CSMD1: variants seen among roughly 807,000 people sequenced by gnomAD.
The protein encoded by CSMD1 is CUB and Sushi multiple domains 1.
In CSMD1, 213 loss-of-function variants were observed where a neutral mutation model predicts 417.5. The observed-to-expected ratio is 0.51, with a 90% confidence interval of 0.46 to 0.57. The LOEUF (loss-of-function observed/expected upper bound fraction) is 0.57, where lower values mean the gene tolerates loss of function less well. CSMD1 is among the 20% of genes least tolerant of loss of function. CSMD1 has a pLI of 0.00. For missense variants in CSMD1, 6,923 were observed against 4,529.7 expected (o/e 1.53, Z -15.17); for synonymous variants, 2,862 against 1,736.8 (o/e 1.65, Z -16.11).
At chr8:3,092,902 CATTGTT>C (rs1289531375) in intron 47 of CSMD1, among the ~76,000 whole-genome samples, 1 of 151,900 alleles carries the variant, frequency 6.6e-6, no homozygotes, top group Non-Finnish European at 1.5e-5. Context: ...ATGCAGCTCT[CATTGTT>C]GTTCATAATA....
At position 4,135,285 on chromosome 8, in the gene CSMD1, G is replaced by A. The variant is rs191184922; in HGVS notation, c.416-103186C>T. 1.1e-4 allele frequency among the ~76,000 whole-genome samples: 16 copies of A among 150,894 alleles called. No homozygotes were observed. In the East Asian group the frequency reaches 2.0e-3, roughly 19 times the overall value. On this transcript the variant is annotated intron_variant, in intron 3 of 69. Transcript: ENST00000635120. Reference sequence around the variant, plus strand: ...CTTCCTTAACAACCATTAGAAGGAGGGAAGGAAGACAGAAGAAAGGAAGAA... The same window carrying A: ...CTTCCTTAACAACCATTAGAAGGAGAGAAGGAAGACAGAAGAAAGGAAGAA...
intron 1 of CSMD1, among the ~76,000 whole-genome samples, chr8:4,931,353 T>C (rs1585352945): frequency 6.6e-6 from 1 of 152,320 alleles, no homozygotes; most frequent in East Asian, 1.9e-4. Flanking sequence ...CCTTTGATAT[T>C]AGGCATAATC....
chr8:4,787,406 C>A (rs1381283463), intron 1 of CSMD1: 2 of 742,704 alleles, frequency 2.7e-6, no homozygotes, highest in African/African-American at 3.5e-5. Flanking sequence ...ACGAAAAGTC[C>A]TCCTGCAGTC....
At chr8:4,113,417 T>C (rs1277790107) in intron 3 of CSMD1, among the ~76,000 whole-genome samples, 1 of 60,224 alleles carries the variant, frequency 1.7e-5, no homozygotes, top group Non-Finnish European at 3.4e-5. Context: ...TTTTTTTTTT[T>C]TAAATGAGAC....
chr8:2,952,375 A>AT (rs1237780051), intron 65 of CSMD1, among the ~76,000 whole-genome samples: 1 of 152,146 alleles, frequency 6.6e-6, no homozygotes. Context: ...CCAACTGGCC[A>AT]TTTTCTTGTT....
At chr8:4,000,234 C>T (rs1815561011) in intron 4 of CSMD1, among the ~76,000 whole-genome samples, 1 of 151,318 alleles carries the variant, frequency 6.6e-6, no homozygotes, top group South Asian at 2.1e-4. Flanking sequence ...TCTCCTGCCC[C>T]CCGCCCTCCG....
chr8:4,443,134 G>C (rs531840411), intron 2 of CSMD1, among the ~76,000 whole-genome samples: 1 of 152,126 alleles, frequency 6.6e-6, no homozygotes, highest in Non-Finnish European at 1.5e-5. Context: ...AGCTGGTATA[G>C]CAACAGTATC....
chr8:4,287,756 G>A (rs970041903), intron 3 of CSMD1, among the ~76,000 whole-genome samples: 1 of 151,752 alleles, frequency 6.6e-6, no homozygotes, highest in African/African-American at 2.4e-5. Flanking sequence ...GCCACTGAAA[G>A]TGGACCCGGT....
At position 3,502,364 on chromosome 8, in the gene CSMD1, C is replaced by CAAAAAA. The variant is rs371588108; in HGVS notation, c.1345-8644_1345-8639dup. On this transcript the variant is annotated intron_variant, in intron 10 of 69. Transcript: ENST00000635120. ...TGGGGGACAGACCGAGACTTCATCT[C>CAAAAAA]AAAAAAAAAAAAAAAAAGAAGTATT... Among the ~76,000 whole-genome samples, 11 of 109,114 alleles carry CAAAAAA rather than the reference C, an allele frequency of 1.0e-4. 1 individual carries two copies. The highest frequency in any genetic ancestry group is 1.4e-4 in the Non-Finnish European group (8 of 55,782). 71.6% of individuals were successfully genotyped at this position (109,114 alleles called of 152,430 possible). A position where few individuals can be genotyped will look rare whatever the true frequency, so the allele number is the denominator to read the frequency against.
chr8:3,062,948 A>T (rs10090103), intron 49 of CSMD1, among the ~76,000 whole-genome samples: 24,439 of 152,108 alleles, frequency 0.16, 2,516 homozygotes, highest in African/African-American at 0.3. Flanking sequence ...TAAAACAAAG[A>T]TTTATTCAAT....
chr8:3,449,776 C>T (rs542172430), intron 12 of CSMD1, among the ~76,000 whole-genome samples: 1 of 152,260 alleles, frequency 6.6e-6, no homozygotes, highest in South Asian at 2.1e-4. Context: ...CCTTGGCCTC[C>T]CAAAGTGCCA....
chr8:3,753,463 T>C (rs1191388524), intron 6 of CSMD1, among the ~76,000 whole-genome samples: 1 of 152,338 alleles, frequency 6.6e-6, no homozygotes, highest in African/African-American at 2.4e-5. Flanking sequence ...CCAGAATCTT[T>C]CTTTTAAGAT....
At chr8:3,745,299 G>A (rs1208233693) in intron 6 of CSMD1, among the ~76,000 whole-genome samples, 2 of 152,180 alleles carry the variant, frequency 1.3e-5, no homozygotes, top group African/African-American at 4.8e-5. Flanking sequence ...GAAAGAACAT[G>A]ATGGTCAGCT....
intron 6 of CSMD1, among the ~76,000 whole-genome samples, chr8:3,726,545 T>C (rs1027242320): frequency 3.3e-5 from 5 of 152,154 alleles, no homozygotes; most frequent in African/African-American, 1.2e-4. Context: ...TTGGGTCCAG[T>C]GTTTTTGAAT....
chr8:4,186,307 C>A (rs1055502125), intron 3 of CSMD1, among the ~76,000 whole-genome samples: 2 of 152,046 alleles, frequency 1.3e-5, no homozygotes, highest in Non-Finnish European at 2.9e-5. Context: ...AGGTTGGGGG[C>A]AGTCAGCTTT....
At chr8:4,814,813 A>G (rs1381390938) in intron 1 of CSMD1, among the ~76,000 whole-genome samples, 4 of 152,268 alleles carry the variant, frequency 2.6e-5, no homozygotes, top group Non-Finnish European at 4.4e-5. Flanking sequence ...TTACTGTAAT[A>G]AGGTACCCCA....
At chr8:3,863,330 G>A (rs1311276490) in intron 5 of CSMD1, among the ~76,000 whole-genome samples, 2 of 151,298 alleles carry the variant, frequency 1.3e-5, no homozygotes, top group Admixed American at 1.3e-4. Flanking sequence ...CCAGGAGATG[G>A]TGGTTGCAGG....
chr8:4,467,106 T>C (rs1366385846), intron 2 of CSMD1, among the ~76,000 whole-genome samples: 3 of 141,498 alleles, frequency 2.1e-5, no homozygotes, highest in East Asian at 4.1e-4. Flanking sequence ...TTAGTCTTGC[T>C]CTAGATTCTT....
intron 41 of CSMD1, among the ~76,000 whole-genome samples, chr8:3,125,562 C>A (rs1436532275): frequency 5.9e-5 from 9 of 152,210 alleles, no homozygotes; most frequent in African/African-American, 2.2e-4. Flanking sequence ...GATTATCAAA[C>A]AAATTCTGAT....
Sources: allele counts gnomAD v4.1 joint callset (sites outside exome capture counted in the v4.1 genomes callset), GRCh38; gene constraint gnomAD v4.1.1; transcripts MANE v1.5; gene names NCBI Gene and HGNC (gene_info 2026-07-23, HGNC 2026-07-21).